Variants in DIAPH1 observed in about 807,000 individuals in gnomAD.
The protein encoded by DIAPH1 is protein diaphanous homolog 1.
Under a neutral mutation model 140.7 loss-of-function variants are expected in DIAPH1, and 46 were observed. The observed-to-expected ratio is 0.33, with a 90% confidence interval of 0.26 to 0.42. DIAPH1 has a LOEUF of 0.42. DIAPH1 is among the 10% of genes least tolerant of loss of function. The probability of loss-of-function intolerance (pLI) is 1.00; values close to 1 mark genes in which losing one functional copy is unlikely to be tolerated. For missense variants in DIAPH1, 1,310 were observed against 1,558.7 expected (o/e 0.84, Z 2.69); for synonymous variants, 565 against 551.6 (o/e 1.02, Z -0.34).
intron 1 of DIAPH1, among the ~76,000 whole-genome samples, chr5:141,599,390 A>G (rs1213319556): frequency 2.6e-5 from 4 of 152,180 alleles, no homozygotes; most frequent in Non-Finnish European, 5.9e-5. Flanking sequence ...AGACAACTAC[A>G]ATTATATTTG....
chr5:141,587,203 A>G lies in DIAPH1; in HGVS notation c.145-6T>C. The stretch of plus-strand genomic sequence containing the variant: ...ATGCTGGTAAATCTCTCCAGCTGAG[A>G]AACAGAAAAAAGCATTAGCAGTGAT... On this transcript the variant is annotated splice_polypyrimidine_tract_variant and splice_region_variant and intron_variant, in intron 2 of 27. Coordinates refer to ENST00000389054, the MANE Select transcript of DIAPH1 (RefSeq NM_005219.5). 6.2e-7 allele frequency: 1 copy of G among 1,613,760 alleles called. No homozygotes were observed. Among genetic ancestry groups the G allele is most frequent in the South Asian group, 1.1e-5 (1 of 91,068 alleles).
chr5:141,572,433 A>G (rs2099895326), intron 16 of DIAPH1, among the ~76,000 whole-genome samples: 4 of 152,160 alleles, frequency 2.6e-5, no homozygotes, highest in Admixed American at 6.5e-5. Flanking sequence ...CTTGGTTTCT[A>G]GAAGAAAAAG....
chr5:141,607,140 T>C (rs2099901109), intron 1 of DIAPH1, among the ~76,000 whole-genome samples: 1 of 152,114 alleles, frequency 6.6e-6, no homozygotes, highest in Admixed American at 6.5e-5. Flanking sequence ...AAATAAGATA[T>C]AAACATATAT....
intron 3 of DIAPH1, 82 bp downstream of exon 3, chr5:141,586,960 G>C (rs1222573428): frequency 2.1e-6 from 3 of 1,445,546 alleles, no homozygotes; most frequent in Non-Finnish European, 2.9e-6. Flanking sequence ...TAAAGGGCTA[G>C]TTGGGAATTA....
chr5:141,617,301 G>C (rs2099902836), intron 1 of DIAPH1, among the ~76,000 whole-genome samples: 1 of 151,146 alleles, frequency 6.6e-6, no homozygotes, highest in Non-Finnish European at 1.5e-5. Context: ...TATTTCTAGG[G>C]GGGGAAAAAA....
intron 1 of DIAPH1, among the ~76,000 whole-genome samples, chr5:141,592,336 T>C (rs968629475): frequency 2.6e-5 from 4 of 152,172 alleles, no homozygotes; most frequent in Non-Finnish European, 4.4e-5. Flanking sequence ...CTACAGTATA[T>C]TCAGAGTGTA....
chr5:141,533,241 C>T (rs1385307112), intron 19 of DIAPH1, among the ~76,000 whole-genome samples: 1 of 152,128 alleles, frequency 6.6e-6, no homozygotes, highest in Admixed American at 6.6e-5. Flanking sequence ...ATAGCAGACC[C>T]TGAAATATTT....
intron 1 of DIAPH1, among the ~76,000 whole-genome samples, chr5:141,602,026 C>G (rs916353531): frequency 1.2e-4 from 19 of 152,088 alleles, no homozygotes; most frequent in Non-Finnish European, 2.9e-5. Flanking sequence ...CCTAATCTAC[C>G]TACCCAGAAA....
chr5:141,526,006 T>A (rs763051524), intron 26 of DIAPH1, 32 bp downstream of exon 26: 1 of 1,613,148 alleles, frequency 6.2e-7, no homozygotes, highest in East Asian at 2.2e-5. Context: ...AACATTCCTA[T>A]CTCAGCCCAT....
chr5:141,542,994 TAGAAC>T (rs1323653331), intron 18 of DIAPH1, among the ~76,000 whole-genome samples: 1 of 151,896 alleles, frequency 6.6e-6, no homozygotes, highest in Non-Finnish European at 1.5e-5. Flanking sequence ...ACTGTGATTA[TAGAAC>T]TTGTATTTAG....
intron 22 of DIAPH1, 34 bp from the exon 23 acceptor site, chr5:141,528,616 C>T: frequency 6.2e-7 from 1 of 1,614,236 alleles, no homozygotes; most frequent in Admixed American, 1.7e-5. Context: ...TAAATCCTGA[C>T]ATGTCCAAGA....
At chr5:141,553,360 C>G (rs1562304289) in intron 18 of DIAPH1, among the ~76,000 whole-genome samples, 1 of 151,950 alleles carries the variant, frequency 6.6e-6, no homozygotes, top group Non-Finnish European at 1.5e-5. Flanking sequence ...ACAGTCTCGG[C>G]CGGGCATGGT....
rs1299688627 is a variant in DIAPH1 at position 141,575,113 on chromosome 5, G to A, written c.1495C>T (p.Gln499Ter). 1 of 1,614,026 alleles carries A rather than the reference G, an allele frequency of 6.2e-7. No individual in the cohort carries two copies. Among genetic ancestry groups the A allele is most frequent in the Non-Finnish European group, 8.5e-7 (1 of 1,180,046 alleles). ...DSELTARHEL[Q>*]VEMKKMESDF... ...CTTTCCATCTTTTTCATTTCCACCTGTAGCTCATGTCGGGCTGTTAACTCT... is the reference window on the plus strand; with the variant it reads ...CTTTCCATCTTTTTCATTTCCACCTATAGCTCATGTCGGGCTGTTAACTCT... Residue 499 changes from glutamine (Q) to a stop codon, truncating the protein, a stop_gained, in exon 15 of 28, where the codon CAG becomes TAG. Transcript: ENST00000389054. LOFTEE classifies it high-confidence loss of function.
intron 1 of DIAPH1, among the ~76,000 whole-genome samples, chr5:141,599,637 T>C (rs1428740654): frequency 6.6e-6 from 1 of 152,104 alleles, no homozygotes; most frequent in African/African-American, 2.4e-5. Context: ...ATATGTATAA[T>C]CACAACACAA....
rs753647091 is a variant in DIAPH1, at chr5:141,575,103, A to G, written c.1505T>C (p.Met502Thr). 6.2e-7 allele frequency: 1 copy of G among 1,613,876 alleles called. No individual in the cohort carries two copies. Among genetic ancestry groups the G allele is most frequent in the Non-Finnish European group, 8.5e-7 (1 of 1,180,006 alleles). ...LTARHELQVE[M>T]KKMESDFEQK... ...CTCAAAGTCACTTTCCATCTTTTTC[A>G]TTTCCACCTGTAGCTCATGTCGGGC... Residue 502 changes from methionine (M) to threonine (T), a missense_variant, in exon 15 of 28, where the codon ATG becomes ACG. Around this residue, in one of 3 missense-constraint regions of DIAPH1, gnomAD observed 589 missense variants for 549.3 expected, o/e 1.07. Coordinates refer to ENST00000389054, the MANE Select transcript of DIAPH1 (RefSeq NM_005219.5).
rs2099895599 is a variant in DIAPH1, at chr5:141,574,093, G to A, written c.1757C>T (p.Pro586Leu). The A allele has an allele frequency of 6.2e-7, 1 of 1,613,762 alleles. No homozygotes were observed. Among genetic ancestry groups the A allele is most frequent in the Non-Finnish European group, 8.5e-7 (1 of 1,179,880 alleles). ...VPSRAPVPPA[P>L]PLPGDSGTII... ...AGTGCCAGAGTCACCAGGTAAAGGA[G>A]GGGCAGGGGGAACAGGAGCACGACT... The change falls in exon 16 of 28, where the codon CCT becomes CTT. Residue 586 changes from proline to leucine, a missense_variant. Physicochemically the swap from Pro to Leu is moderately conservative, Grantham distance 98. This residue lies in a region of DIAPH1 where 589 missense variants were observed against 549.3 expected (regional missense o/e 1.07). Coordinates refer to ENST00000389054, the MANE Select transcript of DIAPH1 (RefSeq NM_005219.5).
In DIAPH1 at chr5:141,587,070, T is replaced by G; in HGVS notation, c.272A>C (p.Gln91Pro). ...CATCTGTTCAAAGAGAACCAGCACT[T>G]GTTCATCTGAAACATCTTGCAATGA... ...AQSLQDVSDE[Q>P]VLVLFEQMLL... Residue 91 changes from glutamine to proline, a missense_variant, in exon 3 of 28, where the codon CAA (glutamine) becomes CCA (proline). By Grantham distance (76) the Gln-to-Pro change is moderately conservative. This residue lies in a region of DIAPH1 where 377 missense variants were observed against 497.1 expected (regional missense o/e 0.76). Transcript: ENST00000389054. The G allele has an allele frequency of 6.2e-7, 1 of 1,614,150 alleles. No individual in the cohort carries two copies. Among genetic ancestry groups the G allele is most frequent in the Non-Finnish European group, 8.5e-7 (1 of 1,180,006 alleles).
chr5:141,523,908 T>G (rs1418969566), intron 27 of DIAPH1, among the ~76,000 whole-genome samples: 1 of 151,328 alleles, frequency 6.6e-6, no homozygotes, highest in African/African-American at 2.4e-5. Flanking sequence ...GCTTCAAGAG[T>G]GGGGAGAAAT....
At chr5:141,578,944 A>T in intron 9 of DIAPH1, 144 bp downstream of exon 9, 1 of 772,364 alleles carries the variant, frequency 1.3e-6, no homozygotes, top group Non-Finnish European at 2.3e-6. Context: ...AAAGAAGGTT[A>T]ATCATTTTCC....
Sources: gnomAD v4.1 joint callset for allele counts (sites outside exome capture counted in the v4.1 genomes callset) on GRCh38, gnomAD v4.1.1 for gene constraint, gnomAD v4.1.1 regional missense constraint, MANE v1.5 for transcripts, NCBI Gene and HGNC (gene_info 2026-07-23, HGNC 2026-07-21) for gene names.